NEDD9: variants seen among roughly 807,000 people sequenced by gnomAD.
NEDD9 encodes the protein neural precursor cell expressed, developmentally down-regulated 9.
NEDD9 carries 26 observed loss-of-function variants against 76.6 expected under a neutral mutation model. The observed-to-expected ratio is 0.34, with a 90% CI of 0.25 to 0.47. The LOEUF is 0.47. Ranked by LOEUF, NEDD9 falls within the 20% of genes least tolerant of loss-of-function variation. The pLI is 1.00. For missense variants in NEDD9, 937 were observed against 1,058.5 expected (o/e 0.89, Z 1.59); for synonymous variants, 392 against 414.2 (o/e 0.95, Z 0.65).
intron 2 of NEDD9, among the ~76,000 whole-genome samples, chr6:11,319,222 A>G (rs965252283): frequency 5.9e-5 from 9 of 152,238 alleles, no homozygotes; most frequent in Non-Finnish European, 1.0e-4. Context: ...TCTGCTGTTC[A>G]CAGCTGCCTG....
intron 1 of NEDD9, among the ~76,000 whole-genome samples, chr6:11,361,262 G>A (rs1762675622): frequency 6.6e-6 from 1 of 152,116 alleles, no homozygotes; most frequent in African/African-American, 2.4e-5. Context: ...TTTATCTTCT[G>A]TATTAGGGCA....
At chr6:11,340,683 C>A (rs1762256489) in intron 1 of NEDD9, among the ~76,000 whole-genome samples, 1 of 152,140 alleles carries the variant, frequency 6.6e-6, no homozygotes, top group South Asian at 2.1e-4. Flanking sequence ...AGCCATCGAC[C>A]TTGAATAATT....
chr6:11,191,355 C>T, intron 4 of NEDD9, 150 bp from the exon 5 acceptor site: 1 of 814,692 alleles, frequency 1.2e-6, no homozygotes, highest in South Asian at 1.9e-5. Context: ...CGTTATTCTG[C>T]TGTCACTTCC....
chr6:11,290,120 G>A (rs887687211), intron 3 of NEDD9, among the ~76,000 whole-genome samples: 2 of 152,172 alleles, frequency 1.3e-5, no homozygotes, highest in African/African-American at 4.8e-5. Context: ...TTACGATTCC[G>A]TTAAGGAGAC....
intron 2 of NEDD9, among the ~76,000 whole-genome samples, chr6:11,321,302 C>T (rs1328276685): frequency 6.6e-6 from 1 of 152,022 alleles, no homozygotes; most frequent in Non-Finnish European, 1.5e-5. Flanking sequence ...CCACCAGCAG[C>T]GATGGTTTGA....
intron 2 of NEDD9, among the ~76,000 whole-genome samples, chr6:11,329,108 C>T (rs764941122): frequency 4.6e-5 from 7 of 152,184 alleles, no homozygotes; most frequent in Non-Finnish European, 7.3e-5. Flanking sequence ...TTGCCTGGGT[C>T]AGAGAGAAGT....
At chr6:11,218,312 C>T (rs1455720479) in intron 1 of NEDD9, among the ~76,000 whole-genome samples, 3 of 151,986 alleles carry the variant, frequency 2.0e-5, no homozygotes. Context: ...TGCTTTCCAC[C>T]TCACTGCCAC....
rs567658271 is a variant in NEDD9 at position 11,355,938 on chromosome 6, G to T, written c.-213-21377C>A. The stretch of plus-strand genomic sequence containing the variant: ...GGGTTTCACCGTGTTAGCCAGGATG[G>T]TCTCGATCTCCTGACCTCGTGATCT... On this transcript the variant is annotated intron_variant, in intron 1 of 3. Transcript: ENST00000397378. Among the ~76,000 whole-genome samples the T allele has an allele frequency of 2.3e-4, 35 of 152,174 alleles. No homozygotes were observed. The South Asian group carries it at 5.6e-3, about 24-fold the overall frequency.
chr6:11,228,069 A>G (rs4713285), intron 1 of NEDD9, among the ~76,000 whole-genome samples: 96,499 of 134,154 alleles, frequency 0.72, 33,027 homozygotes, highest in East Asian at 0.84. Flanking sequence ...TGTGTGTGGG[A>G]GGCAAGGGGG....
At chr6:11,337,579 T>C (rs1762189174) in intron 1 of NEDD9, among the ~76,000 whole-genome samples, 1 of 152,226 alleles carries the variant, frequency 6.6e-6, no homozygotes, top group Non-Finnish European at 1.5e-5. Flanking sequence ...ATACGGTCTG[T>C]TGTTGACTGA....
At chr6:11,373,366 A>G (rs58381707) in intron 1 of NEDD9, among the ~76,000 whole-genome samples, 4,835 of 152,342 alleles carry the variant, frequency 0.032, 153 homozygotes, top group African/African-American at 0.08. Context: ...TGAGGTCCTC[A>G]GTAGAAGACA....
chr6:11,255,680 A>C (rs1391268592), intron 3 of NEDD9, among the ~76,000 whole-genome samples: 1 of 152,140 alleles, frequency 6.6e-6, no homozygotes, highest in South Asian at 2.1e-4. Flanking sequence ...AAGGCCTTGC[A>C]TGGATCCACA....
At chr6:11,201,008 C>T (rs1392792142) in intron 2 of NEDD9, 5 of 1,614,248 alleles carry the variant, frequency 3.1e-6, no homozygotes, top group Non-Finnish European at 4.2e-6. Flanking sequence ...TAGAGGCTCT[C>T]ACTAAGAAAT....
intron 2 of NEDD9, among the ~76,000 whole-genome samples, chr6:11,321,687 T>C (rs1761807681): frequency 6.6e-6 from 1 of 152,218 alleles, no homozygotes. Context: ...TGCTGGAAAG[T>C]ACATCAAACC....
chr6:11,326,446 A>G (rs1333263441), intron 2 of NEDD9, among the ~76,000 whole-genome samples: 2 of 152,232 alleles, frequency 1.3e-5, no homozygotes, highest in African/African-American at 4.8e-5. Flanking sequence ...CAGACAAGGA[A>G]AAGGGTTTAC....
chr6:11,191,662 G>A (rs756594500), intron 4 of NEDD9, among the ~76,000 whole-genome samples: 18 of 152,054 alleles, frequency 1.2e-4, no homozygotes, highest in Non-Finnish European at 2.4e-4. Flanking sequence ...TACCCCATAG[G>A]GTAACAGAGT....
chr6:11,187,555 G>A (rs909284732), intron 6 of NEDD9, among the ~76,000 whole-genome samples: 15 of 152,186 alleles, frequency 9.9e-5, no homozygotes, highest in African/African-American at 3.6e-4. Context: ...GAAAGAGAGA[G>A]AGAGAGAGAG....
At chr6:11,233,304 C>T (rs758539099), upstream of NEDD9, 8 of 518,920 alleles carry the variant, frequency 1.5e-5, no homozygotes, top group South Asian at 7.0e-5. Context: ...AAGGAACCCT[C>T]TAGCACACGC....
intron 3 of NEDD9, 22 bp downstream of exon 3, chr6:11,193,569 G>T: frequency 1.3e-6 from 2 of 1,577,548 alleles, no homozygotes; most frequent in Non-Finnish European, 1.7e-6. Context: ...TTCTCCTCTT[G>T]TGACCATGTT....
Sources: gnomAD v4.1 joint callset for allele counts (sites outside exome capture counted in the v4.1 genomes callset) on GRCh38, gnomAD v4.1.1 for gene constraint, MANE v1.5 for transcripts, NCBI Gene and HGNC (gene_info 2026-07-23, HGNC 2026-07-21) for gene names.